The following CHD6 variants were observed in gnomAD, a reference collection of about 807,000 sequenced individuals.
CHD6 encodes the protein chromodomain helicase DNA binding protein 6.
In CHD6, 50 loss-of-function variants were observed where a neutral mutation model predicts 276.9. The ratio of observed to expected loss-of-function variants is 0.18; its 90% CI spans 0.14 to 0.23. The LOEUF (loss-of-function observed/expected upper bound fraction) is 0.23, where lower values mean the gene tolerates loss of function less well. CHD6 is among the 10% of genes least tolerant of loss of function. The pLI is 1.00. For synonymous variants in CHD6, 1,173 were observed against 1,229.3 expected, an observed-to-expected ratio of 0.95 and a Z score of 0.96; for missense variants, 2,564 against 3,365.8, an observed-to-expected ratio of 0.76 and a Z score of 5.89.
intron 1 of CHD6, among the ~76,000 whole-genome samples, chr20:41,565,857 A>G (rs1211009637): frequency 6.6e-6 from 1 of 152,244 alleles, no homozygotes; most frequent in African/African-American, 2.4e-5. Context: ...TGAAATTAAC[A>G]AAGGCTGACC....
chr20:41,502,073 T>C (rs1055896058), intron 5 of CHD6, among the ~76,000 whole-genome samples: 7 of 152,234 alleles, frequency 4.6e-5, no homozygotes, highest in East Asian at 3.8e-4. Flanking sequence ...TACCAGTCTA[T>C]GGTTTGCCTT....
At chr20:41,574,570 T>C (rs1336408625) in intron 1 of CHD6, among the ~76,000 whole-genome samples, 3 of 152,116 alleles carry the variant, frequency 2.0e-5, no homozygotes, top group Non-Finnish European at 2.9e-5. Flanking sequence ...AGTCAAACCT[T>C]ATGATGAAAT....
chr20:41,457,337 T>A lies in CHD6; in HGVS notation c.2756A>T (p.Asp919Val). The A allele has an allele frequency of 6.2e-7, 1 of 1,614,140 alleles. No individual in the cohort carries two copies. The highest frequency in any genetic ancestry group is 8.5e-7 in the Non-Finnish European group (1 of 1,179,990). The change falls in exon 18 of 37, where the codon GAC becomes GTC. Residue 919 changes from aspartate to valine, a missense_variant. Physicochemically the swap from Asp to Val is radical, Grantham distance 152. This residue lies in a region of CHD6 where 457 missense variants were observed against 889.0 expected (regional missense o/e 0.51). Transcript: ENST00000373233. Reference protein sequence around the residue: ...TRNSYEREMFDKASLKLGLDK... With the variant: ...TRNSYEREMFVKASLKLGLDK... ...CAGCCCCAGCTTTAGGCTGGCCTTG[T>A]CAAACATCTCGCGCTCGTAGGAATT...
At chr20:41,565,702 T>A (rs1380620790) in intron 1 of CHD6, among the ~76,000 whole-genome samples, 2 of 152,174 alleles carry the variant, frequency 1.3e-5, no homozygotes, top group African/African-American at 2.4e-5. Context: ...TAGTACTACA[T>A]CAAGCTGCCT....
intron 2 of CHD6, among the ~76,000 whole-genome samples, chr20:41,539,480 G>C (rs1262182623): frequency 6.6e-6 from 1 of 152,150 alleles, no homozygotes; most frequent in African/African-American, 2.4e-5. Context: ...CCTGGTCACT[G>C]GTCACTTGCA....
intron 1 of CHD6, among the ~76,000 whole-genome samples, chr20:41,554,497 G>A (rs1477358307): frequency 6.6e-6 from 1 of 151,548 alleles, no homozygotes; most frequent in African/African-American, 2.4e-5. Context: ...ATAAACAAGT[G>A]AACAAAGGTC....
intron 2 of CHD6, among the ~76,000 whole-genome samples, chr20:41,534,626 TA>T (rs2044782187): frequency 6.6e-6 from 1 of 152,092 alleles, no homozygotes; most frequent in Non-Finnish European, 1.5e-5. Flanking sequence ...TCCAGCCTCA[TA>T]AGCCTAAATA....
At chr20:41,560,076 T>G (rs1164326692) in intron 1 of CHD6, among the ~76,000 whole-genome samples, 1 of 152,130 alleles carries the variant, frequency 6.6e-6, no homozygotes, top group African/African-American at 2.4e-5. Context: ...ATATTTTTGT[T>G]GTCATTTTTG....
rs566146408 is a variant in CHD6, at chr20:41,405,998, T to C, written c.7252-509A>G. Among the ~76,000 whole-genome samples the C allele has an allele frequency of 1.9e-3, 297 of 152,340 alleles. 1 individual carries two copies. Among genetic ancestry groups the C allele is most frequent in the Admixed American group, 4.4e-3 (68 of 15,310 alleles). On this transcript the variant is annotated intron_variant, in intron 36 of 36. Transcript: ENST00000373233. ...CCTCCTAGCTGTGGGACTCAGGACA[T>C]GTCAGTTAGCCTCTGAGTTTAAGTA...
At chr20:41,593,270 T>C (rs1301976894) in intron 1 of CHD6, among the ~76,000 whole-genome samples, 3 of 151,606 alleles carry the variant, frequency 2.0e-5, no homozygotes, top group African/African-American at 4.8e-5. Flanking sequence ...TTCAGAGTTA[T>C]AAAAGTTATG....
chr20:41,546,966 C>G (rs2045055009), intron 2 of CHD6, among the ~76,000 whole-genome samples: 1 of 152,146 alleles, frequency 6.6e-6, no homozygotes, highest in Non-Finnish European at 1.5e-5. Flanking sequence ...TTATTTATTA[C>G]TGAGTTTTGA....
intron 17 of CHD6, among the ~76,000 whole-genome samples, chr20:41,468,294 G>A (rs935573227): frequency 2.6e-5 from 4 of 152,004 alleles, no homozygotes; most frequent in African/African-American, 9.7e-5. Context: ...ATTTTTAGTA[G>A]AGACAGCATT....
intron 1 of CHD6, among the ~76,000 whole-genome samples, chr20:41,598,818 G>A (rs2045745218): frequency 1.3e-5 from 2 of 152,164 alleles, no homozygotes; most frequent in South Asian, 4.1e-4. Context: ...ATGTATGGTG[G>A]TACTGTGGTG....
chr20:41,417,762 G>A (rs1249694061), intron 31 of CHD6, among the ~76,000 whole-genome samples: 2 of 152,210 alleles, frequency 1.3e-5, no homozygotes, highest in Non-Finnish European at 2.9e-5. Context: ...CGGCAAGACG[G>A]TGATTAATAT....
In CHD6 at chr20:41,403,279, C is replaced by T. The variant is rs1047825791; in HGVS notation, c.*1314G>A. On this transcript the variant is annotated 3_prime_UTR_variant, in exon 37 of 37. Coordinates refer to ENST00000373233, the MANE Select transcript of CHD6 (RefSeq NM_032221.5). ...AGCCCTGCGCCCCCAGAGTACTGAA[C>T]CATGAGCTTACTTCAAGTCTCAGAG... 1.8e-4 allele frequency: 195 copies of T among 1,062,580 alleles called. No homozygotes were observed. The highest frequency in any genetic ancestry group is 4.2e-4 in the Middle Eastern group (1 of 2,408). The allele number at this position is 1,062,580 out of a possible 1,614,324, so 65.8% of individuals were successfully genotyped here. A position where few individuals can be genotyped will look rare whatever the true frequency, so the allele number is the denominator to read the frequency against.
chr20:41,405,042 T>TTG lies in CHD6; in HGVS notation c.7698_7699insCA (p.Lys2567GlnfsTer13). 1 of 1,614,204 alleles carries TTG rather than the reference T, an allele frequency of 6.2e-7. No homozygotes were observed. Among genetic ancestry groups the TTG allele is most frequent in the Non-Finnish European group, 8.5e-7 (1 of 1,180,036 alleles). The stretch of plus-strand genomic sequence containing the variant: ...CTACTCGGCTTGTCTTCCGCAGTCT[T>TTG]TTCAGTCACTGCCGTACCACTTTTC... On this transcript the variant is annotated frameshift_variant, in exon 37 of 37. Coordinates refer to ENST00000373233, the MANE Select transcript of CHD6 (RefSeq NM_032221.5). LOFTEE classifies it high-confidence loss of function.
At chr20:41,446,537 T>C (rs573499347) in intron 24 of CHD6, among the ~76,000 whole-genome samples, 4 of 152,302 alleles carry the variant, frequency 2.6e-5, no homozygotes, top group East Asian at 3.9e-4. Flanking sequence ...GTTTAGGGAA[T>C]AGCATGCATC....
intron 1 of CHD6, among the ~76,000 whole-genome samples, chr20:41,583,702 T>C (rs2045564090): frequency 6.6e-6 from 1 of 152,000 alleles, no homozygotes; most frequent in Non-Finnish European, 1.5e-5. Flanking sequence ...ATTGTAGAGA[T>C]TATAAAAAAT....
intron 1 of CHD6, among the ~76,000 whole-genome samples, chr20:41,612,647 C>A (rs1350744697): frequency 6.6e-6 from 1 of 152,168 alleles, no homozygotes; most frequent in Non-Finnish European, 1.5e-5. Context: ...TAAATAAAAT[C>A]TATGATCTAG....
Sources: allele counts gnomAD v4.1 joint callset (sites outside exome capture counted in the v4.1 genomes callset), GRCh38; gene constraint gnomAD v4.1.1; regional missense constraint gnomAD v4.1.1; transcripts MANE v1.5; gene names NCBI Gene and HGNC (gene_info 2026-07-23, HGNC 2026-07-21).